COL24A1: variants seen among roughly 807,000 people sequenced by gnomAD.
The protein encoded by COL24A1 is collagen type XXIV alpha 1 chain.
A neutral mutation model predicts 253.9 loss-of-function variants in COL24A1; 224 were observed. The observed-to-expected ratio is 0.88, with a 90% CI of 0.79 to 0.99. The LOEUF (loss-of-function observed/expected upper bound fraction) is 0.99. COL24A1 is among the 50% of genes least tolerant of loss of function. The pLI is 0.00. For synonymous variants in COL24A1, 685 were observed against 673.7 expected, an observed-to-expected ratio of 1.02 and a Z score of -0.26; for missense variants, 2,131 against 2,068.5, an observed-to-expected ratio of 1.03 and a Z score of -0.59.
At chr1:86,092,420 G>T in intron 5 of COL24A1, 100 bp from the exon 6 acceptor site, 1 of 753,370 alleles carries the variant, frequency 1.3e-6, no homozygotes, top group Admixed American at 2.9e-5. Flanking sequence ...TACATTATAT[G>T]GTGTTAAATA....
intron 28 of COL24A1, among the ~76,000 whole-genome samples, chr1:85,906,253 A>G (rs1684802930): frequency 5.6e-5 from 1 of 17,746 alleles, no homozygotes; most frequent in Non-Finnish European, 1.3e-4. Flanking sequence ...CCAACTGGAA[A>G]ACTGCAAGGT....
At chr1:85,840,198 C>A (rs4912437) in intron 42 of COL24A1, among the ~76,000 whole-genome samples, 49,390 of 151,874 alleles carry the variant, frequency 0.33, 9,292 homozygotes, top group Non-Finnish European at 0.43. Flanking sequence ...CCTGGCATAC[C>A]TAAATCTGGG....
intron 19 of COL24A1, among the ~76,000 whole-genome samples, chr1:85,996,316 G>A (rs1694782329): frequency 6.6e-6 from 1 of 152,044 alleles, no homozygotes; most frequent in Non-Finnish European, 1.5e-5. Flanking sequence ...GCATATTTTT[G>A]GCTAAGTATA....
At chr1:85,761,449 A>C in intron 54 of COL24A1, 27 bp from the exon 55 acceptor site, 1 of 1,613,838 alleles carries the variant, frequency 6.2e-7, no homozygotes, top group Non-Finnish European at 8.5e-7. Flanking sequence ...TAAAAAAAAT[A>C]CACATTTATT....
intron 3 of COL24A1, among the ~76,000 whole-genome samples, chr1:86,123,198 T>C (rs891909504): frequency 4.0e-5 from 6 of 151,680 alleles, no homozygotes; most frequent in African/African-American, 9.7e-5. Context: ...TATGCTATCA[T>C]AAAAAAAACT....
At chr1:86,092,188 C>A in intron 6 of COL24A1, 79 bp downstream of exon 6, 3 of 1,129,248 alleles carry the variant, frequency 2.7e-6, no homozygotes, top group Non-Finnish European at 2.5e-6. Context: ...ACAGTAAAAT[C>A]TACATTTAAA....
chr1:85,849,000 C>T (rs532531901), intron 38 of COL24A1, among the ~76,000 whole-genome samples: 1 of 152,266 alleles, frequency 6.6e-6, no homozygotes, highest in African/African-American at 2.4e-5. Context: ...ATTCTCTTCC[C>T]TCAAATACTT....
intron 1 of COL24A1, among the ~76,000 whole-genome samples, chr1:86,151,030 T>TTA (rs1652688717): frequency 6.6e-6 from 1 of 152,014 alleles, no homozygotes; most frequent in South Asian, 2.1e-4. Flanking sequence ...TAGCAAAATG[T>TTA]TATATATATA....
chr1:85,834,567 A>T (rs1238959741), intron 43 of COL24A1, among the ~76,000 whole-genome samples: 1 of 152,160 alleles, frequency 6.6e-6, no homozygotes, highest in African/African-American at 2.4e-5. Flanking sequence ...GGATTTAGTT[A>T]TTTCATTGTG....
chr1:85,925,860 A>G (rs1174384495), intron 24 of COL24A1, among the ~76,000 whole-genome samples: 13 of 152,228 alleles, frequency 8.5e-5, no homozygotes, highest in Non-Finnish European at 1.9e-4. Flanking sequence ...GCACAGAAAA[A>G]GAAACTACCA....
intron 37 of COL24A1, among the ~76,000 whole-genome samples, chr1:85,858,690 T>TCCTTC (rs1167077915): frequency 3.0e-5 from 4 of 134,994 alleles, no homozygotes; most frequent in South Asian, 2.5e-4. Flanking sequence ...CCTCCGTCCT[T>TCCTTC]CTTCCCTCCC....
chr1:85,766,359 ACT>A (rs1418409928), intron 53 of COL24A1, among the ~76,000 whole-genome samples: 3 of 132,388 alleles, frequency 2.3e-5, no homozygotes, highest in African/African-American at 9.0e-5. Flanking sequence ...ACAGAACAAG[ACT>A]CTGTCTCAAA....
At chr1:85,863,083 G>C (rs971115051) in intron 37 of COL24A1, among the ~76,000 whole-genome samples, 1 of 152,184 alleles carries the variant, frequency 6.6e-6, no homozygotes, top group African/African-American at 2.4e-5. Flanking sequence ...AAGCAATTGT[G>C]AATGGGAGTT....
intron 24 of COL24A1, among the ~76,000 whole-genome samples, chr1:85,913,810 A>C (rs998918060): frequency 2.6e-5 from 4 of 152,238 alleles, no homozygotes; most frequent in African/African-American, 9.6e-5. Context: ...TTCAGGCAGG[A>C]CTACTTACTA....
At chr1:85,955,928 A>AC (rs1363205808) in intron 24 of COL24A1, among the ~76,000 whole-genome samples, 1 of 152,230 alleles carries the variant, frequency 6.6e-6, no homozygotes, top group East Asian at 1.9e-4. Flanking sequence ...TTTAAAAGTA[A>AC]ATTGCCAGCT....
chr1:86,034,066 G>A (rs915518639), intron 12 of COL24A1, 143 bp from the exon 13 acceptor site: 10 of 531,644 alleles, frequency 1.9e-5, no homozygotes, highest in Middle Eastern at 3.6e-4. Context: ...TGCATAACAC[G>A]CTTAATTGAT....
chr1:85,964,607 C>T (rs1571392993), intron 23 of COL24A1, among the ~76,000 whole-genome samples: 2 of 152,100 alleles, frequency 1.3e-5, no homozygotes, highest in South Asian at 2.1e-4. Flanking sequence ...ATTGAGCATC[C>T]AAAATCTGAA....
intron 20 of COL24A1, among the ~76,000 whole-genome samples, chr1:85,984,206 CA>C (rs1364582590): frequency 6.6e-6 from 1 of 151,754 alleles, no homozygotes; most frequent in East Asian, 1.9e-4. Context: ...ACAAAATTCC[CA>C]AACTGAAGAG....
intron 18 of COL24A1, among the ~76,000 whole-genome samples, chr1:86,019,184 A>G (rs1039617321): frequency 1.3e-5 from 2 of 152,176 alleles, no homozygotes; most frequent in African/African-American, 4.8e-5. Flanking sequence ...GATTCTGCAT[A>G]AGCAACTTTT....
Sources: gnomAD v4.1 joint callset for allele counts (sites outside exome capture counted in the v4.1 genomes callset) on GRCh38, gnomAD v4.1.1 for gene constraint, MANE v1.5 for transcripts, NCBI Gene and HGNC (gene_info 2026-07-23, HGNC 2026-07-21) for gene names.